Variants in PRKCE observed in about 807,000 individuals in gnomAD.
PRKCE encodes the protein protein kinase C epsilon.
Under a neutral mutation model 85.4 loss-of-function variants are expected in PRKCE, and 16 were observed. The observed-to-expected ratio is 0.19, with a 90% CI of 0.13 to 0.28. The LOEUF (loss-of-function observed/expected upper bound fraction) is 0.28, where lower values mean the gene tolerates loss of function less well. Ranked by LOEUF, PRKCE falls within the 10% of genes least tolerant of loss-of-function variation. The probability of loss-of-function intolerance (pLI) is 1.00; values close to 1 mark genes in which losing one functional copy is unlikely to be tolerated. For missense variants in PRKCE, 573 were observed against 975.2 expected (o/e 0.59, Z 5.49); for synonymous variants, 388 against 371.5 (o/e 1.04, Z -0.51).
At chr2:46,063,330 A>G (rs192842410) in intron 10 of PRKCE, among the ~76,000 whole-genome samples, 7 of 152,002 alleles carry the variant, frequency 4.6e-5, no homozygotes, top group African/African-American at 1.4e-4. Flanking sequence ...TTTATGTGTA[A>G]GAGCCTGAAG....
chr2:45,736,534 G>T (rs916486558), intron 1 of PRKCE, among the ~76,000 whole-genome samples: 22 of 152,210 alleles, frequency 1.4e-4, no homozygotes, highest in African/African-American at 5.3e-4. Context: ...TTCCAGGAAG[G>T]CTTTCCTAAG....
chr2:46,160,782 C>T (rs1677679007), intron 14 of PRKCE, among the ~76,000 whole-genome samples: 2 of 152,056 alleles, frequency 1.3e-5, no homozygotes, highest in Admixed American at 1.3e-4. Flanking sequence ...AGAGGAATTC[C>T]GTTCTATTCA....
intron 1 of PRKCE, among the ~76,000 whole-genome samples, chr2:45,757,571 G>A (rs895588309): frequency 1.3e-5 from 2 of 152,066 alleles, no homozygotes; most frequent in African/African-American, 4.8e-5. Flanking sequence ...GAAGGCTGAG[G>A]CAGGAGGATC....
At chr2:46,094,672 T>C (rs887904797) in intron 11 of PRKCE, among the ~76,000 whole-genome samples, 1 of 152,056 alleles carries the variant, frequency 6.6e-6, no homozygotes, top group Admixed American at 6.6e-5. Context: ...TCAGAAAGAA[T>C]AGCTAATGGA....
chr2:46,092,595 G>A (rs1444559693), intron 11 of PRKCE, among the ~76,000 whole-genome samples: 1 of 152,200 alleles, frequency 6.6e-6, no homozygotes, highest in East Asian at 1.9e-4. Context: ...CAGAACCTCA[G>A]TGCACCTTAT....
intron 11 of PRKCE, among the ~76,000 whole-genome samples, chr2:46,103,952 A>G (rs1387489811): frequency 6.6e-6 from 1 of 152,194 alleles, no homozygotes; most frequent in African/African-American, 2.4e-5. Context: ...ACAGGAATAC[A>G]TCATAATTTC....
chr2:46,119,600 G>A (rs1673118638), intron 11 of PRKCE, among the ~76,000 whole-genome samples: 1 of 152,124 alleles, frequency 6.6e-6, no homozygotes, highest in African/African-American at 2.4e-5. Flanking sequence ...TTTGCAGTAT[G>A]GTTTGCATTA....
At chr2:45,955,206 T>C (rs1005955269) in intron 2 of PRKCE, among the ~76,000 whole-genome samples, 2 of 152,178 alleles carry the variant, frequency 1.3e-5, no homozygotes, top group Admixed American at 6.5e-5. Flanking sequence ...TGCCCTGATA[T>C]CGAAAGGTTT....
At chr2:45,664,505 G>C (rs1675821984) in intron 1 of PRKCE, among the ~76,000 whole-genome samples, 1 of 152,152 alleles carries the variant, frequency 6.6e-6, no homozygotes. Flanking sequence ...CCAACTGAAG[G>C]GTTGCCAGTA....
At chr2:45,861,036 G>T (rs963292780) in intron 2 of PRKCE, among the ~76,000 whole-genome samples, 2 of 152,198 alleles carry the variant, frequency 1.3e-5, no homozygotes, top group Admixed American at 6.5e-5. Flanking sequence ...ATGATAGGGT[G>T]GGGGCAGAGG....
chr2:46,061,311 T>C (rs1667099701), intron 10 of PRKCE, among the ~76,000 whole-genome samples: 1 of 152,080 alleles, frequency 6.6e-6, no homozygotes, highest in South Asian at 2.1e-4. Flanking sequence ...GGTTTTACCA[T>C]GTTGCTCAGG....
chr2:45,732,861 G>C (rs1375018091), intron 1 of PRKCE, among the ~76,000 whole-genome samples: 2 of 152,214 alleles, frequency 1.3e-5, no homozygotes, highest in South Asian at 2.1e-4. Context: ...GATGGTACAT[G>C]ATTGGTAATT....
chr2:45,788,027 C>T (rs910154806), intron 1 of PRKCE, among the ~76,000 whole-genome samples: 9 of 152,124 alleles, frequency 5.9e-5, no homozygotes, highest in African/African-American at 1.7e-4. Context: ...AGGTCAGGAT[C>T]GTTCAATAAT....
At chr2:45,915,953 A>C (rs957704984) in intron 2 of PRKCE, among the ~76,000 whole-genome samples, 5 of 152,184 alleles carry the variant, frequency 3.3e-5, no homozygotes, top group African/African-American at 1.2e-4. Flanking sequence ...CAGCATCTAC[A>C]TCCCCTCAAC....
chr2:45,873,137 A>G (rs532663679), intron 2 of PRKCE, among the ~76,000 whole-genome samples: 1 of 152,344 alleles, frequency 6.6e-6, no homozygotes, highest in African/African-American at 2.4e-5. Flanking sequence ...ACATATACAC[A>G]CTAGACTGTC....
chr2:46,080,827 C>G (rs1668998784), intron 10 of PRKCE, among the ~76,000 whole-genome samples: 1 of 152,130 alleles, frequency 6.6e-6, no homozygotes, highest in African/African-American at 2.4e-5. Flanking sequence ...AAGTCCATAA[C>G]CAAATACTGG....
chr2:45,762,770 C>T (rs956768297), intron 1 of PRKCE, among the ~76,000 whole-genome samples: 2 of 152,140 alleles, frequency 1.3e-5, no homozygotes, highest in African/African-American at 4.8e-5. Context: ...ACCCAGCAAC[C>T]TAACGGAAAC....
chr2:45,787,052 G>GGTCTCTA (rs1334522342), intron 1 of PRKCE, among the ~76,000 whole-genome samples: 1 of 152,198 alleles, frequency 6.6e-6, no homozygotes, highest in Non-Finnish European at 1.5e-5. Flanking sequence ...ACATTGAATA[G>GGTCTCTA]AGACCCTGAG....
chr2:46,095,360 C>A (rs541263701), intron 11 of PRKCE, among the ~76,000 whole-genome samples: 19 of 152,296 alleles, frequency 1.2e-4, no homozygotes, highest in African/African-American at 4.1e-4. Context: ...TTATTTAATT[C>A]TCCTGTGTTC....
Sources: allele counts gnomAD v4.1 joint callset (sites outside exome capture counted in the v4.1 genomes callset), GRCh38; gene constraint gnomAD v4.1.1; transcripts MANE v1.5; gene names NCBI Gene and HGNC (gene_info 2026-07-23, HGNC 2026-07-21).